The following ABHD17B variants were observed in gnomAD, a reference collection of about 807,000 sequenced individuals.
The protein encoded by ABHD17B is abhydrolase domain containing 17B, depalmitoylase.
ABHD17B carries 9 observed loss-of-function variants against 26.2 expected under a neutral mutation model. The observed-to-expected ratio is 0.34, with a 90% CI of 0.21 to 0.60. ABHD17B has a LOEUF of 0.60. Ranked by LOEUF, ABHD17B falls within the 20% of genes least tolerant of loss-of-function variation. The pLI is 0.80. For missense variants in ABHD17B, 224 were observed against 352.1 expected (o/e 0.64, Z 2.91); for synonymous variants, 127 against 122.3 (o/e 1.04, Z -0.25).
intron 1 of ABHD17B, among the ~76,000 whole-genome samples, chr9:71,889,715 G>A (rs1826723623): frequency 6.6e-6 from 1 of 152,098 alleles, no homozygotes; most frequent in African/African-American, 2.4e-5. Flanking sequence ...CTGGGAATTT[G>A]TAGAATTATT....
intron 1 of ABHD17B, among the ~76,000 whole-genome samples, chr9:71,880,528 G>A (rs1476681262): frequency 2.0e-5 from 3 of 151,956 alleles, no homozygotes; most frequent in Non-Finnish European, 4.4e-5. Flanking sequence ...CAATATGTTT[G>A]GTAGATGATA....
rs182799469 is a variant in ABHD17B at position 71,910,074 on chromosome 9, A to G, written c.-4+560T>C. On this transcript the variant is annotated intron_variant, in intron 1 of 3. Transcript: ENST00000333421. ...AAACAAATAAGATTAAAGCCCAACC[A>G]TCTAAAGAAAAAGAACCCTACGACA... 4.6e-5 allele frequency among the ~76,000 whole-genome samples: 7 copies of G among 152,286 alleles called. No individual in the cohort carries two copies. The East Asian group carries it at 1.4e-3, about 29-fold the overall frequency.
Position 71,879,802 on chromosome 9 carries a change from T to C in ABHD17B, c.-3-4719A>G, listed in dbSNP as rs1826387292. Among the ~76,000 whole-genome samples the C allele has an allele frequency of 2.0e-5, 3 of 152,184 alleles. No individual in the cohort carries two copies. The South Asian group carries it at 6.2e-4, about 31-fold the overall frequency. On this transcript the variant is annotated intron_variant, in intron 1 of 3. Transcript: ENST00000333421. ...TAATCCTTTCAACAATCCTCTGCTT[T>C]AGGGACTATTATTACACCCATTTTG...
At chr9:71,900,945 T>C (rs945722734) in intron 1 of ABHD17B, among the ~76,000 whole-genome samples, 1 of 151,946 alleles carries the variant, frequency 6.6e-6, no homozygotes, top group African/African-American at 2.4e-5. Context: ...GTCAGGAGAT[T>C]GAGACCGTCC....
At chr9:71,894,087 C>CAAAAAAAA (rs1180729763) in intron 1 of ABHD17B, among the ~76,000 whole-genome samples, 10 of 52,324 alleles carry the variant, frequency 1.9e-4, no homozygotes, top group African/African-American at 8.6e-4. Context: ...GACTCTATCT[C>CAAAAAAAA]AAAAAAAAAA....
At chr9:71,885,842 T>C (rs184505334) in intron 1 of ABHD17B, among the ~76,000 whole-genome samples, 82 of 152,300 alleles carry the variant, frequency 5.4e-4, no homozygotes, top group African/African-American at 1.8e-3. Flanking sequence ...CTCCTTGTAA[T>C]AGTTTCTTGG....
chr9:71,877,574 T>C (rs1157827226), intron 1 of ABHD17B, among the ~76,000 whole-genome samples: 1 of 152,112 alleles, frequency 6.6e-6, no homozygotes, highest in African/African-American at 2.4e-5. Context: ...CACACCACCA[T>C]GCCCAGCTAA....
chr9:71,865,187 C>T lies in ABHD17B; in HGVS notation c.*1600G>A, dbSNP rs1313949318. 1.0e-6 allele frequency: 1 copy of T among 985,362 alleles called. No homozygotes were observed. The highest frequency in any genetic ancestry group is 1.2e-6 in the Non-Finnish European group (1 of 829,928). 61.0% of individuals were successfully genotyped at this position (985,362 alleles called of 1,614,324 possible). A position where few individuals can be genotyped will look rare whatever the true frequency, so the allele number is the denominator to read the frequency against. ...ATTTGTTGTTTTACTGTTAATTTGACACATCTGAACCAAAGCATTCACAAT... is the reference window on the plus strand; with the variant it reads ...ATTTGTTGTTTTACTGTTAATTTGATACATCTGAACCAAAGCATTCACAAT... On this transcript the variant is annotated 3_prime_UTR_variant, in exon 4 of 4. Coordinates refer to ENST00000333421, the MANE Select transcript of ABHD17B (RefSeq NM_001025780.3).
chr9:71,866,701 A>C lies in ABHD17B; in HGVS notation c.*86T>G. ...TATGAAGGCAACTGACATGATTTGCAAACAAAACCTTCAGGTTTTATGTTA... is the reference window on the plus strand; with the variant it reads ...TATGAAGGCAACTGACATGATTTGCCAACAAAACCTTCAGGTTTTATGTTA... On this transcript the variant is annotated 3_prime_UTR_variant, in exon 4 of 4. Transcript: ENST00000333421. 1 of 1,537,134 alleles carries C rather than the reference A, an allele frequency of 6.5e-7. No individual in the cohort carries two copies. The highest frequency in any genetic ancestry group is 8.7e-7 in the Non-Finnish European group (1 of 1,142,880).
At position 71,865,197 on chromosome 9, in the gene ABHD17B, C is replaced by A. The variant is rs1005057942; in HGVS notation, c.*1590G>T. 2 of 985,328 alleles carry A rather than the reference C, an allele frequency of 2.0e-6. No homozygotes were observed. Among genetic ancestry groups the A allele is most frequent in the Non-Finnish European group, 2.4e-6 (2 of 829,904 alleles). 61.0% of individuals were successfully genotyped at this position (985,328 alleles called of 1,614,324 possible). The stretch of plus-strand genomic sequence containing the variant: ...TTACTGTTAATTTGACACATCTGAA[C>A]CAAAGCATTCACAATACTTGATATA... On this transcript the variant is annotated 3_prime_UTR_variant, in exon 4 of 4. Transcript: ENST00000333421.
downstream of ABHD17B, among the ~76,000 whole-genome samples, chr9:71,863,345 T>G (rs1300519043): frequency 1.3e-5 from 2 of 152,172 alleles, no homozygotes; most frequent in Non-Finnish European, 2.9e-5. Flanking sequence ...TTCAATTAGT[T>G]CCATTAATTT....
At chr9:71,880,118 A>G (rs1032019079) in intron 1 of ABHD17B, among the ~76,000 whole-genome samples, 1 of 152,202 alleles carries the variant, frequency 6.6e-6, no homozygotes, top group Non-Finnish European at 1.5e-5. Context: ...TGAGTAATAT[A>G]AAAGGACAAA....
At chr9:71,869,087 A>G (rs1826040360) in intron 3 of ABHD17B, among the ~76,000 whole-genome samples, 1 of 152,180 alleles carries the variant, frequency 6.6e-6, no homozygotes, top group Non-Finnish European at 1.5e-5. Context: ...ATATGGGGAT[A>G]CTCAGATACA....
chr9:71,881,458 T>C (rs7018814), intron 1 of ABHD17B, among the ~76,000 whole-genome samples: 144,644 of 152,260 alleles, frequency 0.95, 69,167 homozygotes, highest in East Asian at 1. Flanking sequence ...ATACTGAAAG[T>C]ACAAGTAACA....
intron 1 of ABHD17B, among the ~76,000 whole-genome samples, chr9:71,896,806 A>T (rs1826972073): frequency 6.6e-6 from 1 of 152,206 alleles, no homozygotes; most frequent in African/African-American, 2.4e-5. Context: ...ATGGACATAG[A>T]GAAAATTGAT....
rs1485651533 is a variant in ABHD17B at position 71,879,381 on chromosome 9, A to C, written c.-3-4298T>G. Among the ~76,000 whole-genome samples the C allele has an allele frequency of 2.0e-5, 3 of 152,192 alleles. No individual in the cohort carries two copies. In the East Asian group the frequency reaches 5.8e-4, roughly 29 times the overall value. ...ATTGACAAAAGAGAGACTACTTAAG[A>C]GGTAAAAATGTGCTGGGGTACCTGA... On this transcript the variant is annotated intron_variant, in intron 1 of 3. Transcript: ENST00000333421.
At chr9:71,877,120 T>C (rs1826300539) in intron 1 of ABHD17B, among the ~76,000 whole-genome samples, 2 of 152,196 alleles carry the variant, frequency 1.3e-5, no homozygotes, top group African/African-American at 2.4e-5. Context: ...ATGTTTACTA[T>C]AGACTCTGGC....
chr9:71,898,328 G>A lies in ABHD17B; in HGVS notation c.-4+12306C>T, dbSNP rs530938294. Among the ~76,000 whole-genome samples the A allele has an allele frequency of 2.2e-4, 33 of 152,146 alleles. No homozygotes were observed. The South Asian group carries it at 6.8e-3, about 32-fold the overall frequency. On this transcript the variant is annotated intron_variant, in intron 1 of 3. Coordinates refer to ENST00000333421, the MANE Select transcript of ABHD17B (RefSeq NM_001025780.3). ...GAAGAAAAGCATAGGGTGCATGGTG[G>A]AAAGGAAGTAAAAACATGGGAGGCT... is the stretch of plus-strand genomic sequence containing the variant.
At chr9:71,905,155 T>C (rs907669704) in intron 1 of ABHD17B, among the ~76,000 whole-genome samples, 6 of 151,808 alleles carry the variant, frequency 4.0e-5, no homozygotes, top group South Asian at 2.1e-4. Context: ...CGGAGTCTCA[T>C]TGTGTCCCCC....
Sources: allele counts gnomAD v4.1 joint callset (sites outside exome capture counted in the v4.1 genomes callset), GRCh38; gene constraint gnomAD v4.1.1; transcripts MANE v1.5; gene names NCBI Gene and HGNC (gene_info 2026-07-23, HGNC 2026-07-21).